Variants in TCF4 observed in about 807,000 individuals in gnomAD.
TCF4 encodes the protein SL3-3 enhancer factor 2.
A neutral mutation model predicts 82.1 loss-of-function variants in TCF4; 3 were observed. That is an observed-to-expected ratio of 0.04 (90% confidence interval 0.02 to 0.09). The LOEUF is 0.09. Among genes scored for constraint, TCF4 ranks in the 10% least tolerant of loss-of-function variants. The pLI, the probability that TCF4 is intolerant of heterozygous loss-of-function variation, is 1.00. For missense variants in TCF4, 518 were observed against 852.7 expected (o/e 0.61, Z 4.89); for synonymous variants, 276 against 309.6 (o/e 0.89, Z 1.14).
At chr18:55,400,808 C>T (rs1019743415) in intron 6 of TCF4, 1 of 441,406 alleles carries the variant, frequency 2.3e-6, no homozygotes, top group Non-Finnish European at 3.8e-6. Flanking sequence ...AAACAAAAGG[C>T]TATTGAGACT....
chr18:55,589,644 CAT>C, upstream of TCF4: 1 of 1,042,600 alleles, frequency 9.6e-7, no homozygotes, highest in Non-Finnish European at 1.2e-6. Context: ...TTTCTTCTCT[CAT>C]AAAGTCTTAA....
chr18:55,453,627 A>G (rs2095670574), intron 5 of TCF4, among the ~76,000 whole-genome samples: 1 of 152,080 alleles, frequency 6.6e-6, no homozygotes, highest in African/African-American at 2.4e-5. Context: ...TTGGACTCTA[A>G]AAGTGTTTGA....
chr18:55,328,307 G>T (rs1284128639), intron 8 of TCF4, among the ~76,000 whole-genome samples: 1 of 151,620 alleles, frequency 6.6e-6, no homozygotes, highest in East Asian at 1.9e-4. Context: ...TATTTAAGGA[G>T]AAAAGACTTC....
At chr18:55,459,320 A>C (rs1158600111) in intron 5 of TCF4, among the ~76,000 whole-genome samples, 2 of 152,212 alleles carry the variant, frequency 1.3e-5, no homozygotes, top group Non-Finnish European at 2.9e-5. Context: ...CCCATGAGGA[A>C]ACATGAACAG....
intron 5 of TCF4, among the ~76,000 whole-genome samples, chr18:55,431,487 C>A (rs997385551): frequency 6.6e-6 from 1 of 152,114 alleles, no homozygotes; most frequent in Non-Finnish European, 1.5e-5. Context: ...ACCACGTTGG[C>A]CAAGCTGGTC....
intron 6 of TCF4, among the ~76,000 whole-genome samples, chr18:55,355,052 G>T (rs1413737443): frequency 1.3e-5 from 2 of 151,918 alleles, no homozygotes; most frequent in Admixed American, 1.3e-4. Flanking sequence ...TTCATGTTTG[G>T]GTATTCTAGT....
intron 5 of TCF4, among the ~76,000 whole-genome samples, chr18:55,460,331 T>G (rs186875172): frequency 1.8e-4 from 28 of 152,254 alleles, no homozygotes; most frequent in Admixed American, 1.8e-3. Context: ...ATCTTTTCAT[T>G]GCTCAAGTTA....
At chr18:55,550,237 T>A (rs2097249041) in intron 3 of TCF4, 1 of 152,228 alleles carries the variant, frequency 6.6e-6, no homozygotes, top group African/African-American at 2.4e-5. Context: ...GTATAATAAT[T>A]ATTTTAATAG....
chr18:55,635,638 T>C, intron 1 of TCF4: 1 of 1,501,494 alleles, frequency 6.7e-7, no homozygotes, highest in Non-Finnish European at 8.9e-7. Context: ...ATGGTGGCCA[T>C]GGGAGATCAT....
At chr18:55,229,355 CA>C (rs979657381) in intron 17 of TCF4, 20 of 482,410 alleles carry the variant, frequency 4.1e-5, no homozygotes, top group African/African-American at 3.3e-4. Context: ...CATACTGATA[CA>C]GGGGGGCAGA....
At chr18:55,382,772 G>A (rs1391961416) in intron 6 of TCF4, among the ~76,000 whole-genome samples, 1 of 152,190 alleles carries the variant, frequency 6.6e-6, no homozygotes, top group Non-Finnish European at 1.5e-5. Context: ...TTCCCTTCAA[G>A]TACAAAGAAT....
At chr18:55,567,307 G>A (rs989929042) in intron 3 of TCF4, among the ~76,000 whole-genome samples, 1 of 152,154 alleles carries the variant, frequency 6.6e-6, no homozygotes, top group African/African-American at 2.4e-5. Context: ...TAAAATGAAT[G>A]CATGTAATAA....
intron 8 of TCF4, among the ~76,000 whole-genome samples, chr18:55,306,549 T>C (rs1444521819): frequency 1.3e-5 from 2 of 152,212 alleles, no homozygotes; most frequent in African/African-American, 4.8e-5. Context: ...AATTTAACCC[T>C]GTGTCAGTCA....
At chr18:55,336,224 A>C (rs1006737221) in intron 8 of TCF4, among the ~76,000 whole-genome samples, 11 of 152,134 alleles carry the variant, frequency 7.2e-5, no homozygotes, top group African/African-American at 2.4e-4. Flanking sequence ...TCAATATTCA[A>C]AATGAATTTA....
At chr18:55,547,768 TTTGTGACCTGCTGC>T (rs1603620871) in intron 3 of TCF4, among the ~76,000 whole-genome samples, 1 of 152,232 alleles carries the variant, frequency 6.6e-6, no homozygotes, top group East Asian at 1.9e-4. Flanking sequence ...AAATGCTCGC[TTTGTGACCTGCTGC>T]TCTGGTCTCA....
intron 6 of TCF4, among the ~76,000 whole-genome samples, chr18:55,365,217 A>ATGTG (rs573120268): frequency 2.3e-4 from 29 of 125,984 alleles, no homozygotes; most frequent in African/African-American, 6.5e-4. Context: ...GTGTATATAT[A>ATGTG]TGTGTGTGTG....
chr18:55,463,819 G>T (rs1310185360), intron 4 of TCF4, among the ~76,000 whole-genome samples: 2 of 152,078 alleles, frequency 1.3e-5, no homozygotes, highest in Non-Finnish European at 2.9e-5. Context: ...AGTGGAACAG[G>T]TGTCAAATTG....
chr18:55,582,615 G>C (rs1308728713), intron 3 of TCF4, among the ~76,000 whole-genome samples: 1 of 152,106 alleles, frequency 6.6e-6, no homozygotes, highest in African/African-American at 2.4e-5. Flanking sequence ...TGAAATGAAA[G>C]ATTAAAGGGA....
intron 3 of TCF4, among the ~76,000 whole-genome samples, chr18:55,489,980 C>T (rs985289603): frequency 1.3e-5 from 2 of 152,220 alleles, no homozygotes; most frequent in Non-Finnish European, 2.9e-5. Flanking sequence ...TCCTTCTCCA[C>T]ACGCACCAAA....
Sources: gnomAD v4.1 joint callset for allele counts (sites outside exome capture counted in the v4.1 genomes callset) on GRCh38, gnomAD v4.1.1 for gene constraint, MANE v1.5 for transcripts, NCBI Gene and HGNC (gene_info 2026-07-23, HGNC 2026-07-21) for gene names.